Variants in GABRA4 observed in about 807,000 individuals in gnomAD.
GABRA4 encodes the protein gamma-aminobutyric acid receptor subunit alpha-4.
GABRA4 carries 12 observed loss-of-function variants against 49.7 expected under a neutral mutation model. The ratio of observed to expected loss-of-function variants is 0.24; its 90% CI spans 0.15 to 0.39. The LOEUF (loss-of-function observed/expected upper bound fraction) is 0.39, where lower values mean the gene tolerates loss of function less well. Among genes scored for constraint, GABRA4 ranks in the 10% least tolerant of loss-of-function variants. GABRA4 has a pLI of 1.00. For missense variants in GABRA4, 506 were observed against 686.0 expected (o/e 0.74, Z 2.93); for synonymous variants, 288 against 240.2 (o/e 1.20, Z -1.84).
chr4:46,963,511 A>T (rs1481685854), intron 8 of GABRA4, among the ~76,000 whole-genome samples: 1 of 151,684 alleles, frequency 6.6e-6, no homozygotes, highest in African/African-American at 2.4e-5. Flanking sequence ...TCTTACCATC[A>T]CCATGTAAGA....
chr4:46,943,653 A>C (rs1464163255), intron 8 of GABRA4, among the ~76,000 whole-genome samples: 2 of 152,028 alleles, frequency 1.3e-5, no homozygotes, highest in African/African-American at 2.4e-5. Context: ...CAGCCACCTC[A>C]GATACCCTGG....
In GABRA4 at chr4:46,926,094, A is replaced by G. The variant is rs974383237; in HGVS notation, c.*2131T>C. 3 of 151,808 alleles carry G rather than the reference A, an allele frequency of 2.0e-5. No homozygotes were observed. The highest frequency in any genetic ancestry group is 4.8e-5 in the African/African-American group (2 of 41,376). 9.4% of individuals were successfully genotyped at this position (151,808 alleles called of 1,614,324 possible). On this transcript the variant is annotated 3_prime_UTR_variant, in exon 9 of 9. Transcript: ENST00000264318. ...ACCAAAAACAACAACAACAACAACA[A>G]CAACAACAACAAAACCAGCCTTTTC...
intron 2 of GABRA4, among the ~76,000 whole-genome samples, chr4:46,988,626 C>A (rs1383213508): frequency 6.6e-6 from 1 of 152,178 alleles, no homozygotes; most frequent in African/African-American, 2.4e-5. Context: ...CAAATGCATA[C>A]AATTTTCTGT....
rs142602124 is a variant in GABRA4, at chr4:46,990,009, G to T, written c.205+2819C>A. ...AACAGAAAACACATTTTCTGCAGGT[G>T]AGAATCACTATTTCTCTGTCACATT... On this transcript the variant is annotated intron_variant, in intron 2 of 8. Coordinates refer to ENST00000264318, the MANE Select transcript of GABRA4 (RefSeq NM_000809.4). Among the ~76,000 whole-genome samples the T allele has an allele frequency of 7.9e-5, 12 of 152,292 alleles. No individual in the cohort carries two copies. The East Asian group carries it at 2.3e-3, about 29-fold the overall frequency.
intron 8 of GABRA4, among the ~76,000 whole-genome samples, chr4:46,943,952 A>G (rs1403706147): frequency 1.3e-5 from 2 of 152,048 alleles, no homozygotes; most frequent in African/African-American, 4.8e-5. Context: ...TCTCAGTAGA[A>G]TGGTGGATAC....
intron 2 of GABRA4, among the ~76,000 whole-genome samples, chr4:46,982,969 T>C (rs771234505): frequency 3.3e-5 from 5 of 151,970 alleles, no homozygotes; most frequent in African/African-American, 7.2e-5. Flanking sequence ...ATACAATAAT[T>C]ACTATTTATT....
At chr4:46,973,427 TG>T (rs1723026585) in intron 6 of GABRA4, among the ~76,000 whole-genome samples, 1 of 151,714 alleles carries the variant, frequency 6.6e-6, no homozygotes, top group Non-Finnish European at 1.5e-5. Flanking sequence ...AACGAAGAAA[TG>T]GGTCCTCATT....
At chr4:46,955,360 G>A (rs143805825) in intron 8 of GABRA4, among the ~76,000 whole-genome samples, 256 of 152,052 alleles carry the variant, frequency 1.7e-3, no homozygotes, top group African/African-American at 5.7e-3. Context: ...GCGAATGTTG[G>A]CATTTTTATT....
chr4:46,932,564 C>T (rs1301901108), intron 8 of GABRA4, among the ~76,000 whole-genome samples: 2 of 152,090 alleles, frequency 1.3e-5, no homozygotes, highest in Admixed American at 6.6e-5. Context: ...TTAACAAGCC[C>T]ACTCAAGGAT....
intron 2 of GABRA4, among the ~76,000 whole-genome samples, chr4:46,990,294 T>G (rs988803467): frequency 7.2e-5 from 11 of 152,210 alleles, no homozygotes; most frequent in African/African-American, 2.4e-4. Context: ...TGACTAATAA[T>G]GTCCTTGAGA....
intron 7 of GABRA4, among the ~76,000 whole-genome samples, 197 bp downstream of exon 7, chr4:46,970,886 C>A (rs1377327351): frequency 6.6e-6 from 1 of 151,438 alleles, no homozygotes; most frequent in Non-Finnish European, 1.5e-5. Flanking sequence ...TGATGCCTGG[C>A]CCCAGAGGAA....
Position 46,925,001 on chromosome 4 carries a change from G to A in GABRA4, c.*3224C>T, listed in dbSNP as rs1721164613. The A allele has an allele frequency of 6.6e-6, 1 of 151,916 alleles. No homozygotes were observed. Among genetic ancestry groups the A allele is most frequent in the African/African-American group, 2.4e-5 (1 of 41,416 alleles). The allele number at this position is 151,916 out of a possible 1,614,324, so 9.4% of individuals were successfully genotyped here. The stretch of plus-strand genomic sequence containing the variant: ...CTGGAGAATATTTACAAATTGAGAA[G>A]AGAAGACCATTAAGAACAGGAATGG... On this transcript the variant is annotated 3_prime_UTR_variant, in exon 9 of 9. Coordinates refer to ENST00000264318, the MANE Select transcript of GABRA4 (RefSeq NM_000809.4).
intron 3 of GABRA4, among the ~76,000 whole-genome samples, chr4:46,978,662 G>T (rs13132953): frequency 0.42 from 55,384 of 133,116 alleles, 11,994 homozygotes; most frequent in East Asian, 0.56. Flanking sequence ...ACTCCAGCCT[G>T]GGCAACAAGA....
intron 2 of GABRA4, among the ~76,000 whole-genome samples, chr4:46,986,301 A>G (rs1477642985): frequency 1.3e-5 from 2 of 152,006 alleles, no homozygotes; most frequent in African/African-American, 2.4e-5. Context: ...AGACTTTCAC[A>G]CCCATCACAC....
chr4:46,934,690 G>C (rs1007075266), intron 8 of GABRA4, among the ~76,000 whole-genome samples: 1 of 152,164 alleles, frequency 6.6e-6, no homozygotes, highest in Non-Finnish European at 1.5e-5. Context: ...TATATATTTA[G>C]AGTTGAGGGT....
chr4:46,961,002 G>A (rs1722553534), intron 8 of GABRA4, among the ~76,000 whole-genome samples: 1 of 151,684 alleles, frequency 6.6e-6, no homozygotes, highest in African/African-American at 2.4e-5. Flanking sequence ...AAAACAACAA[G>A]CACAGAGGGT....
chr4:46,932,581 GT>G (rs1402065681), intron 8 of GABRA4, among the ~76,000 whole-genome samples: 1 of 152,110 alleles, frequency 6.6e-6, no homozygotes, highest in Non-Finnish European at 1.5e-5. Flanking sequence ...GGATTATTAA[GT>G]CTTTAGAATA....
intron 8 of GABRA4, among the ~76,000 whole-genome samples, chr4:46,944,685 C>T (rs1468655564): frequency 6.6e-6 from 1 of 152,080 alleles, no homozygotes; most frequent in Non-Finnish European, 1.5e-5. Context: ...TTTATAATTT[C>T]CAAGATAGTA....
At chr4:46,944,152 A>G (rs1014558582) in intron 8 of GABRA4, among the ~76,000 whole-genome samples, 6 of 152,140 alleles carry the variant, frequency 3.9e-5, no homozygotes, top group Admixed American at 3.3e-4. Context: ...ACAAAAAAGT[A>G]TCTATGTTAA....
Sources: allele counts gnomAD v4.1 joint callset (sites outside exome capture counted in the v4.1 genomes callset), GRCh38; gene constraint gnomAD v4.1.1; transcripts MANE v1.5; gene names NCBI Gene and HGNC (gene_info 2026-07-23, HGNC 2026-07-21).